Variants in AKAP9 observed in about 807,000 individuals in gnomAD.
The protein encoded by AKAP9 is A-kinase anchor protein 9.
In AKAP9, 311 loss-of-function variants were observed where a neutral mutation model predicts 488.5. The ratio of observed to expected loss-of-function variants is 0.64; its 90% CI spans 0.58 to 0.70. The LOEUF (loss-of-function observed/expected upper bound fraction) is 0.70. AKAP9 is among the 30% of genes least tolerant of loss of function. The pLI, the probability that AKAP9 is intolerant of heterozygous loss-of-function variation, is 0.00. For missense variants in AKAP9, 4,215 were observed against 4,374.5 expected, an observed-to-expected ratio of 0.96 and a Z score of 1.03; for synonymous variants, 1,462 against 1,483.5, an observed-to-expected ratio of 0.99 and a Z score of 0.33.
rs997641959 is a variant in AKAP9, at chr7:92,070,286, A to G, written c.6507+80A>G. The G allele has an allele frequency of 1.3e-5, 18 of 1,393,112 alleles. 1 individual carries two copies. The South Asian group carries it at 2.1e-4, about 16-fold the overall frequency. 86.3% of individuals were successfully genotyped at this position (1,393,112 alleles called of 1,614,324 possible). A position where few individuals can be genotyped will look rare whatever the true frequency, so the allele number is the denominator to read the frequency against. On this transcript the variant is annotated intron_variant, in intron 27 of 49. Coordinates refer to ENST00000356239, the MANE Select transcript of AKAP9 (RefSeq NM_005751.5). ...AAATTGTCAACTTCTTGTAGGTATT[A>G]TTACATATTATGTTTATATCTCTGT...
In AKAP9 at chr7:92,077,812, T is replaced by G. The variant is rs2130858119; in HGVS notation, c.6882T>G (p.Ile2294Met). ...AQIIQEKEVE[I>M]DQLNEQVTKL... Reference sequence around the variant, plus strand: ...TAATACAGGAAAAAGAGGTAGAAATTGACCAATTAAATGAACAAGTTACGA... The same window carrying G: ...TAATACAGGAAAAAGAGGTAGAAATGGACCAATTAAATGAACAAGTTACGA... The change falls in exon 30 of 50, where the codon ATT (isoleucine) becomes ATG (methionine). Residue 2294 changes from isoleucine (I) to methionine (M), a missense_variant. Ile to Met is a conservative substitution (Grantham distance 10). Transcript: ENST00000356239. 9 of 1,613,764 alleles carry G rather than the reference T, an allele frequency of 5.6e-6. No homozygotes were observed. The highest frequency in any genetic ancestry group is 7.6e-6 in the Non-Finnish European group (9 of 1,179,858).
At chr7:92,062,822 A>G (rs1382478474) in intron 24 of AKAP9, among the ~76,000 whole-genome samples, 2 of 152,180 alleles carry the variant, frequency 1.3e-5, no homozygotes, top group African/African-American at 4.8e-5. Context: ...AGAGGCAGCA[A>G]AAATGTATAC....
Position 92,080,137 on chromosome 7 carries a change from T to C in AKAP9, c.8004T>C (p.Asp2668=). ...AAGAAAAGAAAAGAAGCCCTCAAGATGTTGAAGTTCTCAAGGTTAGTTTTG... is the reference window on the plus strand; with the variant it reads ...AAGAAAAGAAAAGAAGCCCTCAAGACGTTGAAGTTCTCAAGGTTAGTTTTG... ...REKEKKRSPQ[D]VEVLKTTTEL... Residue 2668 remains aspartate, a synonymous_variant, in exon 31 of 50, where the codon GAT becomes GAC. Coordinates refer to ENST00000356239, the MANE Select transcript of AKAP9 (RefSeq NM_005751.5). 1.3e-6 allele frequency: 2 copies of C among 1,590,056 alleles called. No individual in the cohort carries two copies. Among genetic ancestry groups the C allele is most frequent in the South Asian group, 2.2e-5 (2 of 89,242 alleles).
At chr7:91,976,094 T>G (rs1795652273) in intron 2 of AKAP9, among the ~76,000 whole-genome samples, 1 of 152,018 alleles carries the variant, frequency 6.6e-6, no homozygotes, top group Admixed American at 6.5e-5. Flanking sequence ...AACTAATTTT[T>G]GTATTTTTAG....
chr7:92,068,067 A>T (rs1457050988), intron 26 of AKAP9, among the ~76,000 whole-genome samples: 4 of 152,146 alleles, frequency 2.6e-5, no homozygotes, highest in African/African-American at 9.7e-5. Context: ...TACAAAAGTT[A>T]TCAGTCTCCA....
chr7:91,955,617 G>A (rs549006493), intron 1 of AKAP9, among the ~76,000 whole-genome samples: 1 of 152,136 alleles, frequency 6.6e-6, no homozygotes. Context: ...AGGAATTTAC[G>A]TCAGTATCCA....
chr7:91,947,481 T>C (rs112268233), intron 1 of AKAP9, among the ~76,000 whole-genome samples: 7,787 of 152,054 alleles, frequency 0.051, 272 homozygotes, highest in Non-Finnish European at 0.079. Flanking sequence ...TAGCTGGGAC[T>C]ACAGGCGCCC....
intron 22 of AKAP9, among the ~76,000 whole-genome samples, chr7:92,053,889 A>G (rs1036416745): frequency 6.6e-6 from 1 of 152,156 alleles, no homozygotes; most frequent in Non-Finnish European, 1.5e-5. Flanking sequence ...AGTCCTTTAT[A>G]TGATTCTGAT....
intron 31 of AKAP9, among the ~76,000 whole-genome samples, chr7:92,081,536 A>C (rs1247456212): frequency 7.1e-6 from 1 of 140,864 alleles, no homozygotes; most frequent in Non-Finnish European, 1.5e-5. Context: ...TCTCCATGTT[A>C]GCCAAGCTGG....
intron 28 of AKAP9, among the ~76,000 whole-genome samples, chr7:92,073,479 G>A (rs991332821): frequency 1.3e-5 from 2 of 151,620 alleles, no homozygotes; most frequent in South Asian, 2.1e-4. Context: ...GCACTCTAGC[G>A]TGGGCAACAG....
rs1817427795 is a variant in AKAP9 at position 92,100,944 on chromosome 7, T to C, written c.10985T>C (p.Leu3662Pro). The change falls in exon 45 of 50, where the codon CTC (leucine) becomes CCC (proline). Residue 3662 changes from leucine (L) to proline (P), a missense_variant. Around this residue, in one of 5 missense-constraint regions of AKAP9, gnomAD observed 74 missense variants for 113.0 expected, o/e 0.65. Transcript: ENST00000356239. ...KEVWNREKLTLQKSLKRAEAE... is the reference protein window; with the variant it reads ...KEVWNREKLTPQKSLKRAEAE... ...GTATGGAACAGAGAAAAATTGACTC[T>C]CCAGAAATCTTTGAAAAGGGCAGAG... 1 of 1,614,028 alleles carries C rather than the reference T, an allele frequency of 6.2e-7. No individual in the cohort carries two copies. Among genetic ancestry groups the C allele is most frequent in the Non-Finnish European group, 8.5e-7 (1 of 1,180,044 alleles).
At chr7:91,971,711 G>C (rs1795100707) in intron 1 of AKAP9, among the ~76,000 whole-genome samples, 1 of 151,588 alleles carries the variant, frequency 6.6e-6, no homozygotes, top group Non-Finnish European at 1.5e-5. Context: ...GGGATTACAG[G>C]CGCCTGCCAC....
chr7:92,061,003 A>G (rs1809667767), intron 22 of AKAP9, among the ~76,000 whole-genome samples: 1 of 152,202 alleles, frequency 6.6e-6, no homozygotes, highest in Admixed American at 6.5e-5. Context: ...AGTGGTTTGT[A>G]TCCAAAAGAA....
chr7:91,977,901 C>CATGTGT (rs1795903784), intron 2 of AKAP9, among the ~76,000 whole-genome samples: 1 of 152,082 alleles, frequency 6.6e-6, no homozygotes, highest in Non-Finnish European at 1.5e-5. Context: ...ACACAATATG[C>CATGTGT]ACTTAATGAA....
chr7:92,110,239 T>G lies in AKAP9; in HGVS notation c.*80T>G. On this transcript the variant is annotated 3_prime_UTR_variant, in exon 50 of 50. Transcript: ENST00000356239. ...CAATGGTTCTTTTGTGCTTTTGTAT[T>G]GTGAATATTCAATGGGACCAATATG... 1 of 1,160,940 alleles carries G rather than the reference T, an allele frequency of 8.6e-7. No homozygotes were observed. Among genetic ancestry groups the G allele is most frequent in the Non-Finnish European group, 1.3e-6 (1 of 789,458 alleles). The allele number at this position is 1,160,940 out of a possible 1,614,324, so 71.9% of individuals were successfully genotyped here. A position where few individuals can be genotyped will look rare whatever the true frequency, so the allele number is the denominator to read the frequency against.
chr7:92,066,808 T>G (rs1317861920), intron 26 of AKAP9, among the ~76,000 whole-genome samples: 1 of 152,236 alleles, frequency 6.6e-6, no homozygotes, highest in Admixed American at 6.5e-5. Context: ...TTCCCATTCC[T>G]AACAAAAGTG....
Position 92,059,316 on chromosome 7 carries a change from AAAT to A in AKAP9, c.5602-1942_5602-1940del, listed in dbSNP as rs1323301923. 8.5e-5 allele frequency among the ~76,000 whole-genome samples: 13 copies of A among 152,084 alleles called. No individual in the cohort carries two copies. The East Asian group carries it at 2.3e-3, about 27-fold the overall frequency. On this transcript the variant is annotated intron_variant, in intron 22 of 49. Transcript: ENST00000356239. ...CTAACTGAATGGAAGAGGATTCTTT[AAAT>A]ATTAAGTATTTAATGAACATTTATT... is the stretch of plus-strand genomic sequence containing the variant.
chr7:92,007,989 A>C (rs1226306742), intron 8 of AKAP9, among the ~76,000 whole-genome samples: 1 of 152,236 alleles, frequency 6.6e-6, no homozygotes, highest in Non-Finnish European at 1.5e-5. Flanking sequence ...AAAAGAAGGA[A>C]ATAATAAAGT....
intron 3 of AKAP9, among the ~76,000 whole-genome samples, chr7:91,982,557 T>C (rs192381360): frequency 2.0e-5 from 3 of 152,340 alleles, no homozygotes; most frequent in Admixed American, 2.0e-4. Flanking sequence ...TTCCATGATA[T>C]GTATGTGCCA....
Sources: gnomAD v4.1 joint callset for allele counts (sites outside exome capture counted in the v4.1 genomes callset) on GRCh38, gnomAD v4.1.1 for gene constraint, gnomAD v4.1.1 regional missense constraint, MANE v1.5 for transcripts, NCBI Gene and HGNC (gene_info 2026-07-23, HGNC 2026-07-21) for gene names.